The following TMPRSS6 variants were observed in gnomAD, a reference collection of about 807,000 sequenced individuals.
TMPRSS6 encodes transmembrane serine protease 6.
Under a neutral mutation model 101.5 loss-of-function variants are expected in TMPRSS6, and 67 were observed. The ratio of observed to expected loss-of-function variants is 0.66; its 90% CI spans 0.54 to 0.81. TMPRSS6 has a LOEUF of 0.81. Among genes scored for constraint, TMPRSS6 ranks in the 30% least tolerant of loss-of-function variants. TMPRSS6 has a pLI of 0.00. For synonymous variants in TMPRSS6, 453 were observed against 464.9 expected (o/e 0.97, Z 0.33); for missense variants, 1,034 against 1,088.7 (o/e 0.95, Z 0.71).
At chr22:37,088,551 C>T (rs1410481280) in intron 7 of TMPRSS6, among the ~76,000 whole-genome samples, 1 of 152,198 alleles carries the variant, frequency 6.6e-6, no homozygotes, top group Non-Finnish European at 1.5e-5. Context: ...TCTCCCCATC[C>T]TGTGGGAGGA....
intron 10 of TMPRSS6, among the ~76,000 whole-genome samples, chr22:37,077,496 ACACT>A (rs1927774861): frequency 6.6e-6 from 1 of 152,206 alleles, no homozygotes; most frequent in East Asian, 1.9e-4. Flanking sequence ...GTTTATAGTA[ACACT>A]CAGATATCAT....
At chr22:37,094,837 A>C (rs910637722) in intron 6 of TMPRSS6, among the ~76,000 whole-genome samples, 3 of 152,226 alleles carry the variant, frequency 2.0e-5, no homozygotes, top group African/African-American at 7.2e-5. Flanking sequence ...GCTCACCCCC[A>C]CCTTGGCTCT....
At position 37,073,517 on chromosome 22, in the gene TMPRSS6, C is replaced by T; in HGVS notation, c.1555+15G>A. 6.3e-7 allele frequency: 1 copy of T among 1,588,200 alleles called. No individual in the cohort carries two copies. ...CTTTGGTGTCCCTCCAGACACTCGG[C>T]TAGGCCTGCCCTACCTTCCTGGCAC... On this transcript the variant is annotated intron_variant, in intron 13 of 17. Transcript: ENST00000676104.
At chr22:37,079,482 C>A (rs1299867396) in intron 10 of TMPRSS6, among the ~76,000 whole-genome samples, 1 of 152,008 alleles carries the variant, frequency 6.6e-6, no homozygotes, top group Non-Finnish European at 1.5e-5. Context: ...AAGAAGGGTG[C>A]GTGGGTGGAT....
intron 11 of TMPRSS6, 42 bp from the exon 12 acceptor site, chr22:37,074,750 T>G: frequency 6.2e-7 from 1 of 1,603,982 alleles, no homozygotes; most frequent in Non-Finnish European, 8.5e-7. Context: ...CAGGGCGCCA[T>G]TAGGCCATGC....
intron 3 of TMPRSS6, among the ~76,000 whole-genome samples, chr22:37,097,442 C>G (rs1004105394): frequency 2.6e-5 from 4 of 152,252 alleles, no homozygotes; most frequent in African/African-American, 9.6e-5. Flanking sequence ...GGGAGACAGC[C>G]TGGAACATTC....
chr22:37,101,306 G>A lies in TMPRSS6; in HGVS notation c.202+1910C>T, dbSNP rs185355075. ...ACTGAAGCAGGAGACAGGGGCAGGCGGGTGCTGGGGGCTTGAGAACACATA... is the reference window on the plus strand; with the variant it reads ...ACTGAAGCAGGAGACAGGGGCAGGCAGGTGCTGGGGGCTTGAGAACACATA... On this transcript the variant is annotated intron_variant, in intron 2 of 17. Coordinates refer to ENST00000676104, the MANE Select transcript of TMPRSS6 (RefSeq NM_001374504.1). This position sits in a 1 kb window ranked among gnomAD's most constrained non-coding sequence, Gnocchi z 4.1. 5.3e-5 allele frequency among the ~76,000 whole-genome samples: 8 copies of A among 152,176 alleles called. No individual in the cohort carries two copies. Among genetic ancestry groups the A allele is most frequent in the African/African-American group, 9.6e-5 (4 of 41,496 alleles).
In TMPRSS6 at chr22:37,069,403, T is replaced by A. The variant is rs1465428673; in HGVS notation, c.1842-59A>T. ...AGGTGAGGTGGGAGGAAGCTGCCTC[T>A]CCCCATCCAGGGACCCTCAAGATAG... On this transcript the variant is annotated intron_variant, in intron 15 of 17. Coordinates refer to ENST00000676104, the MANE Select transcript of TMPRSS6 (RefSeq NM_001374504.1). This position sits in a 1 kb window ranked among gnomAD's most constrained non-coding sequence, Gnocchi z 4.8. 30 of 1,470,798 alleles carry A rather than the reference T, an allele frequency of 2.0e-5. No individual in the cohort carries two copies. Among genetic ancestry groups the A allele is most frequent in the Non-Finnish European group, 2.5e-5 (27 of 1,095,264 alleles). 91.1% of individuals were successfully genotyped at this position (1,470,798 alleles called of 1,614,324 possible).
intron 2 of TMPRSS6, among the ~76,000 whole-genome samples, chr22:37,100,469 C>G (rs1930218684): frequency 6.6e-6 from 1 of 152,130 alleles, no homozygotes; most frequent in Non-Finnish European, 1.5e-5. Flanking sequence ...AAGTGATTGG[C>G]GTCAGCTGCT....
At chr22:37,095,837 G>A (rs117606319) in intron 5 of TMPRSS6, 69 bp downstream of exon 5, 28,886 of 1,590,960 alleles carry the variant, frequency 0.018, 327 homozygotes, top group Non-Finnish European at 0.022. Flanking sequence ...CAGCCTCCCC[G>A]GGCCACACCA....
At chr22:37,072,986 G>A (rs1927253750) in intron 13 of TMPRSS6, among the ~76,000 whole-genome samples, 1 of 149,998 alleles carries the variant, frequency 6.7e-6, no homozygotes, top group Non-Finnish European at 1.5e-5. Flanking sequence ...GATGATGGAT[G>A]GATAGATGGA....
intron 6 of TMPRSS6, among the ~76,000 whole-genome samples, chr22:37,094,975 G>A (rs115091788): frequency 0.015 from 2,304 of 152,308 alleles, 73 homozygotes; most frequent in African/African-American, 0.052. Flanking sequence ...CTTGTGCAGC[G>A]TGGTGACTGT....
intron 12 of TMPRSS6, among the ~76,000 whole-genome samples, chr22:37,074,147 T>C (rs547921177): frequency 6.6e-6 from 1 of 152,254 alleles, no homozygotes; most frequent in Non-Finnish European, 1.5e-5. Context: ...CAAGGTCACT[T>C]GGCTGAGCCA....
chr22:37,077,011 C>A (rs537294627), intron 10 of TMPRSS6, among the ~76,000 whole-genome samples: 2 of 152,314 alleles, frequency 1.3e-5, no homozygotes, highest in South Asian at 4.1e-4. Context: ...AGCACTTAAC[C>A]GTTCAATAAG....
chr22:37,065,852 G>A lies in TMPRSS6; in HGVS notation c.*228C>T, dbSNP rs1233394192. 3.0e-5 allele frequency: 18 copies of A among 594,548 alleles called. No homozygotes were observed. Among genetic ancestry groups the A allele is most frequent in the Non-Finnish European group, 4.5e-5 (15 of 334,252 alleles). 36.8% of individuals were successfully genotyped at this position (594,548 alleles called of 1,614,324 possible). A position where few individuals can be genotyped will look rare whatever the true frequency, so the allele number is the denominator to read the frequency against. ...GAATTGGGAGGCAGAAGGGCTGGGTGTGGGCCTGGGTCCTCAGGGGACGTC... is the reference window on the plus strand; with the variant it reads ...GAATTGGGAGGCAGAAGGGCTGGGTATGGGCCTGGGTCCTCAGGGGACGTC... On this transcript the variant is annotated 3_prime_UTR_variant, in exon 18 of 18. Coordinates refer to ENST00000676104, the MANE Select transcript of TMPRSS6 (RefSeq NM_001374504.1).
intron 4 of TMPRSS6, 135 bp from the exon 5 acceptor site, chr22:37,096,225 G>T: frequency 1.0e-6 from 1 of 988,662 alleles, no homozygotes; most frequent in South Asian, 1.4e-5. Flanking sequence ...GCCTCCTAGC[G>T]ACCTCTGAAG....
chr22:37,102,563 G>A (rs1416060955), intron 2 of TMPRSS6, among the ~76,000 whole-genome samples: 1 of 152,204 alleles, frequency 6.6e-6, no homozygotes, highest in Admixed American at 6.5e-5. Context: ...AATGGGCCCA[G>A]AGCACAGGCC....
Position 37,089,753 on chromosome 22 carries a change from C to CG in TMPRSS6, c.660_661insC (p.Gly221ArgfsTer10). ...GGCCCCTTCAGCCGGAGGACCTGGCCCTGGCCCACGTAGCTGTAGCGGTAA... is the reference window on the plus strand; with the variant it reads ...GGCCCCTTCAGCCGGAGGACCTGGCCGCTGGCCCACGTAGCTGTAGCGGTAA... On this transcript the variant is annotated frameshift_variant, in exon 7 of 18. Transcript: ENST00000676104. LOFTEE classifies it high-confidence loss of function. 6.2e-7 allele frequency: 1 copy of CG among 1,612,544 alleles called. No homozygotes were observed. Among genetic ancestry groups the CG allele is most frequent in the Non-Finnish European group, 8.5e-7 (1 of 1,179,732 alleles).
Position 37,069,396 on chromosome 22 carries a change from C to A in TMPRSS6, c.1842-52G>T. 6.7e-7 allele frequency: 1 copy of A among 1,482,510 alleles called. No homozygotes were observed. Among genetic ancestry groups the A allele is most frequent in the South Asian group, 1.3e-5 (1 of 79,648 alleles). 91.8% of individuals were successfully genotyped at this position (1,482,510 alleles called of 1,614,324 possible). A position where few individuals can be genotyped will look rare whatever the true frequency, so the allele number is the denominator to read the frequency against. ...TGGGGTGAGGTGAGGTGGGAGGAAGCTGCCTCTCCCCATCCAGGGACCCTC... is the reference window on the plus strand; with the variant it reads ...TGGGGTGAGGTGAGGTGGGAGGAAGATGCCTCTCCCCATCCAGGGACCCTC... On this transcript the variant is annotated intron_variant, in intron 15 of 17. Coordinates refer to ENST00000676104, the MANE Select transcript of TMPRSS6 (RefSeq NM_001374504.1). This position sits in a 1 kb window ranked among gnomAD's most constrained non-coding sequence, Gnocchi z 4.8.
Sources: gnomAD v4.1 joint callset for allele counts (sites outside exome capture counted in the v4.1 genomes callset) on GRCh38, gnomAD v4.1.1 for gene constraint, Gnocchi (gnomAD v3.1) non-coding constraint, MANE v1.5 for transcripts, NCBI Gene and HGNC (gene_info 2026-07-23, HGNC 2026-07-21) for gene names.